The following P2RY1 variants were observed in gnomAD, a reference collection of about 807,000 sequenced individuals.
The protein encoded by P2RY1 is P2Y purinoceptor 1.
In P2RY1, 14 loss-of-function variants were observed where a neutral mutation model predicts 22.8. The ratio of observed to expected loss-of-function variants is 0.61; its 90% CI spans 0.41 to 0.96. The LOEUF (loss-of-function observed/expected upper bound fraction) is 0.96, where lower values mean the gene tolerates loss of function less well. Ranked by LOEUF, P2RY1 falls within the 40% of genes least tolerant of loss-of-function variation. P2RY1 has a pLI of 0.00. For missense variants in P2RY1, 395 were observed against 470.3 expected, an observed-to-expected ratio of 0.84 and a Z score of 1.48; for synonymous variants, 200 against 195.1, an observed-to-expected ratio of 1.03 and a Z score of -0.21.
In P2RY1 at chr3:152,836,367, C is replaced by A. The variant is rs368261510; in HGVS notation, c.585C>A (p.Arg195=). ...TCTTCTACTCAGGTACCGGGGTCCG[C>A]AAAAACAAAACCATCACCTGTTACG... is the stretch of plus-strand genomic sequence containing the variant. ...PILFYSGTGV[R]KNKTITCYDT... The change falls in exon 1 of 1, where the codon CGC becomes CGA. Residue 195 remains arginine, a synonymous_variant. Coordinates refer to ENST00000305097, the MANE Select transcript of P2RY1 (RefSeq NM_002563.5). This position sits in a 1 kb window ranked among gnomAD's most constrained non-coding sequence, Gnocchi z 5.6. The A allele has an allele frequency of 6.9e-5, 112 of 1,614,084 alleles. 1 individual carries two copies. The African/African-American group carries it at 1.1e-3, about 16-fold the overall frequency.
Position 152,835,465 on chromosome 3 carries a change from A to G in P2RY1, c.-318A>G. Reference sequence around the variant, plus strand: ...GCGCGGACCCGCGGCCCCTCGGGAAAGCGCAGTCGGAAAGTTATCCGCGGC... The same window carrying G: ...GCGCGGACCCGCGGCCCCTCGGGAAGGCGCAGTCGGAAAGTTATCCGCGGC... On this transcript the variant is annotated 5_prime_UTR_variant, in exon 1 of 1. Transcript: ENST00000305097. 1 of 365,484 alleles carries G rather than the reference A, an allele frequency of 2.7e-6. No individual in the cohort carries two copies. The highest frequency in any genetic ancestry group is 2.2e-5 in the African/African-American group (1 of 46,206). The allele number at this position is 365,484 out of a possible 1,614,324, so 22.6% of individuals were successfully genotyped here.
chr3:152,836,556 G>A lies in P2RY1; in HGVS notation c.774G>A (p.Ser258=), dbSNP rs535911838. 2 of 1,614,146 alleles carry A rather than the reference G, an allele frequency of 1.2e-6. No individual in the cohort carries two copies. The highest frequency in any genetic ancestry group is 3.3e-5 in the Admixed American group (2 of 60,020). ...ACAACTCTCCTCTGAGGAGAAAATC[G>A]ATTTACCTGGTAATCATTGTACTGA... ...DLDNSPLRRK[S]IYLVIIVLTV... Residue 258 remains serine, a synonymous_variant, in exon 1 of 1, where the codon TCG becomes TCA. Transcript: ENST00000305097. The surrounding 1 kb of genome is among the most constrained non-coding windows in gnomAD (Gnocchi z 5.6).
chr3:152,839,739 G>A lies in P2RY1; in HGVS notation c.*2835G>A, dbSNP rs2108029376. On this transcript the variant is annotated 3_prime_UTR_variant, in exon 1 of 1. Transcript: ENST00000305097. ...GATGACATCCATTGTTGGGGCCTTG[G>A]GGGATATGGTAAAGCATGAAAACTA... The A allele has an allele frequency of 6.6e-6, 1 of 152,270 alleles. No individual in the cohort carries two copies. The highest frequency in any genetic ancestry group is 2.1e-4 in the South Asian group (1 of 4,816). The allele number at this position is 152,270 out of a possible 1,614,324, so 9.4% of individuals were successfully genotyped here.
chr3:152,836,031 G>T lies in P2RY1; in HGVS notation c.249G>T (p.Trp83Cys). 1 of 1,614,184 alleles carries T rather than the reference G, an allele frequency of 6.2e-7. No individual in the cohort carries two copies. The highest frequency in any genetic ancestry group is 8.5e-7 in the Non-Finnish European group (1 of 1,180,036). ...IWMFVFHMKP[W>C]SGISVYMFNL... Reference sequence around the variant, plus strand: ...TGTTCGTCTTCCACATGAAGCCCTGGAGCGGCATCTCCGTGTACATGTTCA... The same window carrying T: ...TGTTCGTCTTCCACATGAAGCCCTGTAGCGGCATCTCCGTGTACATGTTCA... Residue 83 changes from tryptophan (W) to cysteine (C), a missense_variant, in exon 1 of 1, where the codon TGG becomes TGT. By Grantham distance (215) the Trp-to-Cys change is radical. This residue lies in a region of P2RY1 where 291 missense variants were observed against 361.6 expected (regional missense o/e 0.80). Coordinates refer to ENST00000305097, the MANE Select transcript of P2RY1 (RefSeq NM_002563.5). The surrounding 1 kb of genome is among the most constrained non-coding windows in gnomAD (Gnocchi z 5.6).
chr3:152,836,471 T>C lies in P2RY1; in HGVS notation c.689T>C (p.Leu230Ser). ...CTTVAMFCVP[L>S]VLILGCYGLI... Reference sequence around the variant, plus strand: ...ACCGTGGCCATGTTCTGTGTCCCCTTGGTGCTGATTCTGGGCTGTTACGGA... The same window carrying C: ...ACCGTGGCCATGTTCTGTGTCCCCTCGGTGCTGATTCTGGGCTGTTACGGA... The change falls in exon 1 of 1, where the codon TTG becomes TCG. Residue 230 changes from leucine (L) to serine (S), a missense_variant. Leu to Ser is a moderately radical substitution (Grantham distance 145). Transcript: ENST00000305097. This position sits in a 1 kb window ranked among gnomAD's most constrained non-coding sequence, Gnocchi z 5.6. 6.2e-7 allele frequency: 1 copy of C among 1,614,176 alleles called. No homozygotes were observed. Among genetic ancestry groups the C allele is most frequent in the Non-Finnish European group, 8.5e-7 (1 of 1,180,034 alleles).
chr3:152,837,079 T>G lies in P2RY1; in HGVS notation c.*175T>G. 1.6e-6 allele frequency: 1 copy of G among 606,390 alleles called. No individual in the cohort carries two copies. 37.6% of individuals were successfully genotyped at this position (606,390 alleles called of 1,614,324 possible). Reference sequence around the variant, plus strand: ...CACATCCACACTTAGCTTGTTTGGGTTTGCTTTCACAGTCTCTCTTCCTTC... The same window carrying G: ...CACATCCACACTTAGCTTGTTTGGGGTTGCTTTCACAGTCTCTCTTCCTTC... On this transcript the variant is annotated 3_prime_UTR_variant, in exon 1 of 1. Transcript: ENST00000305097.
chr3:152,836,648 A>G lies in P2RY1; in HGVS notation c.866A>G (p.Asp289Gly). Residue 289 changes from aspartate (D) to glycine (G), a missense_variant, in exon 1 of 1, where the codon GAT becomes GGT. Around this residue, in one of 3 missense-constraint regions of P2RY1, gnomAD observed 291 missense variants for 361.6 expected, o/e 0.80. Transcript: ENST00000305097. The surrounding 1 kb of genome is among the most constrained non-coding windows in gnomAD (Gnocchi z 5.6). ...ACGATGAACTTGAGGGCCCGGCTTGATTTTCAGACCCCAGCAATGTGTGCT... is the reference window on the plus strand; with the variant it reads ...ACGATGAACTTGAGGGCCCGGCTTGGTTTTCAGACCCCAGCAATGTGTGCT... ...MKTMNLRARL[D>G]FQTPAMCAFN... 6.2e-7 allele frequency: 1 copy of G among 1,614,070 alleles called. No individual in the cohort carries two copies. The highest frequency in any genetic ancestry group is 8.5e-7 in the Non-Finnish European group (1 of 1,180,026).
Position 152,838,010 on chromosome 3 carries a change from C to T in P2RY1, c.*1106C>T, listed in dbSNP as rs529651786. 1 of 167,064 alleles carries T rather than the reference C, an allele frequency of 6.0e-6. No homozygotes were observed. Among genetic ancestry groups the T allele is most frequent in the East Asian group, 1.9e-4 (1 of 5,188 alleles). The allele number at this position is 167,064 out of a possible 1,614,324, so 10.3% of individuals were successfully genotyped here. ...TAAATTAAAGTCATGGTGGAGAAGACTCTTGCTTCCTCCAAGTGTTTGAAA... is the reference window on the plus strand; with the variant it reads ...TAAATTAAAGTCATGGTGGAGAAGATTCTTGCTTCCTCCAAGTGTTTGAAA... On this transcript the variant is annotated 3_prime_UTR_variant, in exon 1 of 1. Coordinates refer to ENST00000305097, the MANE Select transcript of P2RY1 (RefSeq NM_002563.5).
In P2RY1 at chr3:152,835,446, A is replaced by ACCCGCGGC. The variant is rs1716122324; in HGVS notation, c.-333_-326dup. 6.0e-6 allele frequency: 2 copies of ACCCGCGGC among 332,140 alleles called. No homozygotes were observed. The highest frequency in any genetic ancestry group is 4.4e-5 in the African/African-American group (2 of 45,392). The allele number at this position is 332,140 out of a possible 1,614,324, so 20.6% of individuals were successfully genotyped here. On this transcript the variant is annotated 5_prime_UTR_variant, in exon 1 of 1. Transcript: ENST00000305097. ...GCCTCTGGCGCGCTCTGCAGCGCGG[A>ACCCGCGGC]CCCGCGGCCCCTCGGGAAAGCGCAG...
Position 152,836,303 on chromosome 3 carries a change from T to A in P2RY1, c.521T>A (p.Leu174Gln). 3 of 1,614,162 alleles carry A rather than the reference T, an allele frequency of 1.9e-6. No homozygotes were observed. The highest frequency in any genetic ancestry group is 2.5e-6 in the Non-Finnish European group (3 of 1,180,034). ...AAGAATGCGATCTGTATCAGCGTGC[T>A]GGTGTGGCTCATTGTGGTGGTGGCG... is the stretch of plus-strand genomic sequence containing the variant. ...KKKNAICISVLVWLIVVVAIS... is the reference protein window; with the variant it reads ...KKKNAICISVQVWLIVVVAIS... Residue 174 changes from leucine (L) to glutamine (Q), a missense_variant, in exon 1 of 1, where the codon CTG becomes CAG. Around this residue, in one of 3 missense-constraint regions of P2RY1, gnomAD observed 291 missense variants for 361.6 expected, o/e 0.80. Transcript: ENST00000305097. This position sits in a 1 kb window ranked among gnomAD's most constrained non-coding sequence, Gnocchi z 5.6.
In P2RY1 at chr3:152,836,277, G is replaced by A; in HGVS notation, c.495G>A (p.Lys165=). ...TCAAGTCCCTGGGCCGGCTCAAAAA[G>A]AAGAATGCGATCTGTATCAGCGTGC... ...YPLKSLGRLK[K]KNAICISVLV... Residue 165 remains lysine (K), a synonymous_variant, in exon 1 of 1, where the codon AAG becomes AAA. Coordinates refer to ENST00000305097, the MANE Select transcript of P2RY1 (RefSeq NM_002563.5). This position sits in a 1 kb window ranked among gnomAD's most constrained non-coding sequence, Gnocchi z 5.6. The A allele has an allele frequency of 6.2e-7, 1 of 1,614,130 alleles. No homozygotes were observed.
rs1186275354 is a variant in P2RY1, at chr3:152,838,654, C to G, written c.*1750C>G. 6.6e-6 allele frequency: 1 copy of G among 152,044 alleles called. No individual in the cohort carries two copies. Among genetic ancestry groups the G allele is most frequent in the Non-Finnish European group, 1.5e-5 (1 of 68,012 alleles). 9.4% of individuals were successfully genotyped at this position (152,044 alleles called of 1,614,324 possible). A position where few individuals can be genotyped will look rare whatever the true frequency, so the allele number is the denominator to read the frequency against. ...CTATGTAGATTGAGGATTTGTGAGA[C>G]CTTCAGAGTAGCTTCACTTTACCCA... On this transcript the variant is annotated 3_prime_UTR_variant, in exon 1 of 1. Coordinates refer to ENST00000305097, the MANE Select transcript of P2RY1 (RefSeq NM_002563.5).
chr3:152,836,820 T>C lies in P2RY1; in HGVS notation c.1038T>C (p.Ser346=), dbSNP rs1471499164. 1.2e-5 allele frequency: 19 copies of C among 1,613,886 alleles called. No individual in the cohort carries two copies. The highest frequency in any genetic ancestry group is 1.4e-5 in the Non-Finnish European group (17 of 1,179,980). The part of the protein sequence containing the change: ...SRATRKASRR[S]EANLQSKSED... ...CCACAAGGAAAGCTTCTAGAAGAAG[T>C]GAGGCAAATTTGCAATCCAAGAGTG... Residue 346 remains serine, a synonymous_variant, in exon 1 of 1, where the codon AGT becomes AGC. Coordinates refer to ENST00000305097, the MANE Select transcript of P2RY1 (RefSeq NM_002563.5). The surrounding 1 kb of genome is among the most constrained non-coding windows in gnomAD (Gnocchi z 5.6).
chr3:152,839,679 G>A lies in P2RY1; in HGVS notation c.*2775G>A, dbSNP rs1007592351. 1 of 152,128 alleles carries A rather than the reference G, an allele frequency of 6.6e-6. No individual in the cohort carries two copies. Among genetic ancestry groups the A allele is most frequent in the African/African-American group, 2.4e-5 (1 of 41,418 alleles). The allele number at this position is 152,128 out of a possible 1,614,324, so 9.4% of individuals were successfully genotyped here. ...CCGCTCAGCCAGCTATGTGACTGTT[G>A]ACCCTTTCAAGAACACACATGGATT... is the stretch of plus-strand genomic sequence containing the variant. On this transcript the variant is annotated 3_prime_UTR_variant, in exon 1 of 1. Coordinates refer to ENST00000305097, the MANE Select transcript of P2RY1 (RefSeq NM_002563.5).
Position 152,835,406 on chromosome 3 carries a change from C to T in P2RY1, c.-377C>T, listed in dbSNP as rs1716119673. The stretch of plus-strand genomic sequence containing the variant: ...GCTAGAGCCCTGCAGAGCGAGTTTC[C>T]CTTGACCTCGCTGCGCCTCTGGCGC... On this transcript the variant is annotated 5_prime_UTR_variant, in exon 1 of 1. Coordinates refer to ENST00000305097, the MANE Select transcript of P2RY1 (RefSeq NM_002563.5). 2.0e-5 allele frequency: 5 copies of T among 253,082 alleles called. No individual in the cohort carries two copies. Among genetic ancestry groups the T allele is most frequent in the Non-Finnish European group, 3.7e-5 (5 of 133,716 alleles). 15.7% of individuals were successfully genotyped at this position (253,082 alleles called of 1,614,324 possible). A position where few individuals can be genotyped will look rare whatever the true frequency, so the allele number is the denominator to read the frequency against.
rs759773087 is a variant in P2RY1 at position 152,835,805 on chromosome 3, C to T, written c.23C>T (p.Ala8Val). 6.2e-7 allele frequency: 1 copy of T among 1,606,866 alleles called. No homozygotes were observed. Among genetic ancestry groups the T allele is most frequent in the Non-Finnish European group, 8.5e-7 (1 of 1,177,916 alleles). The change falls in exon 1 of 1, where the codon GCT becomes GTT. Residue 8 changes from alanine to valine, a missense_variant. Ala to Val is a moderately conservative substitution (Grantham distance 64). Coordinates refer to ENST00000305097, the MANE Select transcript of P2RY1 (RefSeq NM_002563.5). MTEVLWP[A>V]VPNGTDAAFL... is the part of the protein sequence containing the mutation. ...AGAATGACCGAGGTGCTGTGGCCGG[C>T]TGTCCCCAACGGGACGGACGCTGCC... is the stretch of plus-strand genomic sequence containing the variant.
chr3:152,836,066 T>C lies in P2RY1; in HGVS notation c.284T>C (p.Leu95Pro). Residue 95 changes from leucine (L) to proline (P), a missense_variant, in exon 1 of 1, where the codon CTG becomes CCG. Physicochemically the swap from Leu to Pro is moderately conservative, Grantham distance 98. Coordinates refer to ENST00000305097, the MANE Select transcript of P2RY1 (RefSeq NM_002563.5). The surrounding 1 kb of genome is among the most constrained non-coding windows in gnomAD (Gnocchi z 5.6). ...TCCGTGTACATGTTCAATTTGGCTC[T>C]GGCCGACTTCTTGTACGTGCTGACT... is the stretch of plus-strand genomic sequence containing the variant. Reference protein sequence around the residue: ...GISVYMFNLALADFLYVLTLP... With the variant: ...GISVYMFNLAPADFLYVLTLP... The C allele has an allele frequency of 6.2e-7, 1 of 1,614,214 alleles. No homozygotes were observed. The highest frequency in any genetic ancestry group is 8.5e-7 in the Non-Finnish European group (1 of 1,180,040).
At position 152,836,979 on chromosome 3, in the gene P2RY1, C is replaced by A; in HGVS notation, c.*75C>A. The A allele has an allele frequency of 1.7e-6, 2 of 1,193,168 alleles. No homozygotes were observed. Among genetic ancestry groups the A allele is most frequent in the Non-Finnish European group, 2.4e-6 (2 of 846,764 alleles). 73.9% of individuals were successfully genotyped at this position (1,193,168 alleles called of 1,614,324 possible). On this transcript the variant is annotated 3_prime_UTR_variant, in exon 1 of 1. Coordinates refer to ENST00000305097, the MANE Select transcript of P2RY1 (RefSeq NM_002563.5). The surrounding 1 kb of genome is among the most constrained non-coding windows in gnomAD (Gnocchi z 5.6). The stretch of plus-strand genomic sequence containing the variant: ...TAACAGAATCAAGTACTTTTCCCCT[C>A]TTTAACTTTCTAGTTTAGAAAAAAA...
In P2RY1 at chr3:152,839,733, G is replaced by A. The variant is rs1032302932; in HGVS notation, c.*2829G>A. 6.6e-6 allele frequency: 1 copy of A among 152,190 alleles called. No individual in the cohort carries two copies. Among genetic ancestry groups the A allele is most frequent in the Non-Finnish European group, 1.5e-5 (1 of 68,024 alleles). 9.4% of individuals were successfully genotyped at this position (152,190 alleles called of 1,614,324 possible). On this transcript the variant is annotated 3_prime_UTR_variant, in exon 1 of 1. Coordinates refer to ENST00000305097, the MANE Select transcript of P2RY1 (RefSeq NM_002563.5). ...AAGTTGGATGACATCCATTGTTGGGGCCTTGGGGGATATGGTAAAGCATGA... is the reference window on the plus strand; with the variant it reads ...AAGTTGGATGACATCCATTGTTGGGACCTTGGGGGATATGGTAAAGCATGA...
Sources: allele counts gnomAD v4.1 joint callset, GRCh38; gene constraint gnomAD v4.1.1; regional missense constraint gnomAD v4.1.1; non-coding constraint Gnocchi (gnomAD v3.1); transcripts MANE v1.5; gene names NCBI Gene and HGNC (gene_info 2026-07-23, HGNC 2026-07-21).